TBX5: variants seen among roughly 807,000 people sequenced by gnomAD.
TBX5 encodes T-box transcription factor 5.
TBX5 carries 8 observed loss-of-function variants against 51.1 expected under a neutral mutation model. That is an observed-to-expected ratio of 0.16 (90% CI 0.09 to 0.28). The LOEUF is 0.28. TBX5 is among the 10% of genes least tolerant of loss of function. The pLI, the probability that TBX5 is intolerant of heterozygous loss-of-function variation, is 1.00. For synonymous variants in TBX5, 302 were observed against 266.4 expected, an observed-to-expected ratio of 1.13 and a Z score of -1.30; for missense variants, 589 against 671.7, an observed-to-expected ratio of 0.88 and a Z score of 1.36.
chr12:114,396,690 G>T (rs1462048451), intron 5 of TBX5, among the ~76,000 whole-genome samples: 1 of 152,156 alleles, frequency 6.6e-6, no homozygotes, highest in Admixed American at 6.5e-5. Context: ...CAAGGACCAC[G>T]CAGGACCCCA....
At chr12:114,370,288 GAAAGA>G (rs775331042) in intron 7 of TBX5, among the ~76,000 whole-genome samples, 16 of 56,756 alleles carry the variant, frequency 2.8e-4, no homozygotes, top group African/African-American at 3.3e-4. Flanking sequence ...GAAAAGAAAA[GAAAGA>G]AAAGAAAAGA....
intron 6 of TBX5, among the ~76,000 whole-genome samples, chr12:114,388,128 C>T (rs1235683927): frequency 1.3e-5 from 2 of 152,102 alleles, no homozygotes; most frequent in African/African-American, 4.8e-5. Context: ...GGATTACAGG[C>T]TGAGCCACTG....
At chr12:114,391,092 A>T (rs1871120160) in intron 6 of TBX5, among the ~76,000 whole-genome samples, 1 of 152,224 alleles carries the variant, frequency 6.6e-6, no homozygotes, top group South Asian at 2.1e-4. Context: ...ATAGAGACAG[A>T]TCATTCTGAA....
intron 8 of TBX5, among the ~76,000 whole-genome samples, chr12:114,358,971 G>A (rs1238000610): frequency 6.6e-6 from 1 of 151,888 alleles, no homozygotes; most frequent in Non-Finnish European, 1.5e-5. Flanking sequence ...TAACCAGGGT[G>A]TTACCCTTTT....
At chr12:114,407,581 T>G (rs1021519347), upstream of TBX5, among the ~76,000 whole-genome samples, 1 of 152,238 alleles carries the variant, frequency 6.6e-6, no homozygotes, top group Non-Finnish European at 1.5e-5. Context: ...CCAGATTTGC[T>G]TAGCTCATTG....
intron 7 of TBX5, among the ~76,000 whole-genome samples, chr12:114,370,628 A>G (rs1409217652): frequency 1.4e-5 from 2 of 139,916 alleles, no homozygotes; most frequent in African/African-American, 5.5e-5. Context: ...AGAGTGGGGG[A>G]TGATCTCTCC....
chr12:114,385,355 A>T, intron 7 of TBX5, 121 bp downstream of exon 7: 1 of 856,594 alleles, frequency 1.2e-6, no homozygotes, highest in East Asian at 2.6e-5. Context: ...CCCCATTTCC[A>T]TGTGCCTGGC....
chr12:114,391,938 C>A (rs1341047843), intron 6 of TBX5, among the ~76,000 whole-genome samples: 1 of 152,050 alleles, frequency 6.6e-6, no homozygotes, highest in East Asian at 1.9e-4. Flanking sequence ...GGGAGGGTAA[C>A]AGAAAGTTGT....
At chr12:114,373,241 A>G (rs1870015560) in intron 7 of TBX5, among the ~76,000 whole-genome samples, 1 of 152,086 alleles carries the variant, frequency 6.6e-6, no homozygotes, top group Admixed American at 6.5e-5. Flanking sequence ...AACTATAGAG[A>G]TGGTTCGGAA....
intron 7 of TBX5, among the ~76,000 whole-genome samples, chr12:114,371,861 C>T (rs1869928345): frequency 6.6e-6 from 1 of 152,122 alleles, no homozygotes; most frequent in South Asian, 2.1e-4. Context: ...GCAGGGACTG[C>T]AGAGGGCACA....
intron 7 of TBX5, among the ~76,000 whole-genome samples, chr12:114,370,281 AAGAAAAGAAAG>A (rs1869799966): frequency 3.1e-5 from 2 of 64,156 alleles, no homozygotes; most frequent in Admixed American, 2.7e-4. Flanking sequence ...AAGAAAAGAA[AAGAAAAGAAAG>A]AAAAGAAAAG....
intron 6 of TBX5, among the ~76,000 whole-genome samples, chr12:114,386,013 C>CA (rs1398588037): frequency 6.6e-6 from 1 of 152,152 alleles, no homozygotes; most frequent in Non-Finnish European, 1.5e-5. Flanking sequence ...CTGCAGAAAA[C>CA]ATGTCTTGAT....
Position 114,355,398 on chromosome 12 carries a change from G to T in TBX5, c.*134C>A. On this transcript the variant is annotated 3_prime_UTR_variant, in exon 9 of 9. Transcript: ENST00000405440. The stretch of plus-strand genomic sequence containing the variant: ...AGATCAGCATCCAGCGACCTTGAGT[G>T]CAGATGTGAACATTGGGTGAAATGA... The T allele has an allele frequency of 9.1e-7, 1 of 1,100,128 alleles. No homozygotes were observed. Among genetic ancestry groups the T allele is most frequent in the Non-Finnish European group, 1.3e-6 (1 of 745,232 alleles). 68.1% of individuals were successfully genotyped at this position (1,100,128 alleles called of 1,614,324 possible).
intron 7 of TBX5, among the ~76,000 whole-genome samples, chr12:114,383,429 C>G (rs898527182): frequency 2.0e-5 from 3 of 152,176 alleles, no homozygotes; most frequent in South Asian, 4.1e-4. Context: ...TGGTGAAGGA[C>G]AAACCTAGGG....
intron 2 of TBX5, 116 bp from the exon 3 acceptor site, chr12:114,402,036 C>G: frequency 2.1e-6 from 2 of 954,302 alleles, no homozygotes; most frequent in Middle Eastern, 2.4e-4. Flanking sequence ...CCTGTGGTCT[C>G]AGAGAGTAAA....
intron 7 of TBX5, among the ~76,000 whole-genome samples, chr12:114,368,474 A>C (rs1028137636): frequency 7.2e-5 from 11 of 152,076 alleles, no homozygotes; most frequent in African/African-American, 2.7e-4. Flanking sequence ...CCTTTCTATG[A>C]CTCTATGTGA....
chr12:114,408,063 C>G (rs191773087), upstream of TBX5: 2 of 985,408 alleles, frequency 2.0e-6, no homozygotes, highest in East Asian at 1.1e-4. Flanking sequence ...CAGGCGATAG[C>G]GACTATCTCA....
chr12:114,404,017 T>G, intron 1 of TBX5, 81 bp from the exon 2 acceptor site: 1 of 1,470,522 alleles, frequency 6.8e-7, no homozygotes, highest in South Asian at 1.2e-5. Flanking sequence ...ACAATTCTAG[T>G]GACAGGAGGG....
intron 8 of TBX5, among the ~76,000 whole-genome samples, chr12:114,361,449 G>A (rs1462372903): frequency 6.6e-6 from 1 of 152,192 alleles, no homozygotes; most frequent in Non-Finnish European, 1.5e-5. Context: ...AGAGTCAGGG[G>A]TGAGAGGGAG....
Sources: gnomAD v4.1 joint callset for allele counts (sites outside exome capture counted in the v4.1 genomes callset) on GRCh38, gnomAD v4.1.1 for gene constraint, MANE v1.5 for transcripts, NCBI Gene and HGNC (gene_info 2026-07-23, HGNC 2026-07-21) for gene names.